The following ADGRE1 variants were observed in gnomAD, a reference collection of about 807,000 sequenced individuals.
ADGRE1 encodes the protein EGF-like module receptor 1.
Under a neutral mutation model 102.7 loss-of-function variants are expected in ADGRE1, and 82 were observed. The ratio of observed to expected loss-of-function variants is 0.80; its 90% confidence interval spans 0.67 to 0.96. The LOEUF is 0.96. Among genes scored for constraint, ADGRE1 ranks in the 40% least tolerant of loss-of-function variants. The pLI, the probability that ADGRE1 is intolerant of heterozygous loss-of-function variation, is 0.00. For synonymous variants in ADGRE1, 398 were observed against 399.6 expected (o/e 1.00, Z 0.05); for missense variants, 1,032 against 1,085.3 (o/e 0.95, Z 0.69).
At chr19:6,907,766 A>C (rs970587547) in intron 9 of ADGRE1, among the ~76,000 whole-genome samples, 2 of 152,206 alleles carry the variant, frequency 1.3e-5, no homozygotes, top group Non-Finnish European at 2.9e-5. Flanking sequence ...CAGAAATGGA[A>C]TCATGCAATG....
chr19:6,927,967 G>C (rs189911764), intron 16 of ADGRE1, among the ~76,000 whole-genome samples, 178 bp from the exon 17 acceptor site: 70 of 152,286 alleles, frequency 4.6e-4, no homozygotes, highest in African/African-American at 1.6e-3. Context: ...CAGGAAGAAG[G>C]TCTAAAAGAG....
rs775135417 is a variant in ADGRE1 at position 6,937,558 on chromosome 19, C to T, written c.2565C>T (p.Tyr855=). 2 of 1,612,770 alleles carry T rather than the reference C, an allele frequency of 1.2e-6. No individual in the cohort carries two copies. Among genetic ancestry groups the T allele is most frequent in the Admixed American group, 1.7e-5 (1 of 59,818 alleles). Residue 855 remains tyrosine, a synonymous_variant, in exon 20 of 21, where the codon TAC becomes TAT. Transcript: ENST00000312053. ...CLLNGQVREE[Y]KRWITGKTKP... ...TCCTTCTCCAGGTACGAGAAGAATACAAGAGGTGGATCACTGGGAAGACGA... is the reference window on the plus strand; with the variant it reads ...TCCTTCTCCAGGTACGAGAAGAATATAAGAGGTGGATCACTGGGAAGACGA...
At chr19:6,896,169 C>G in intron 2 of ADGRE1, 1 of 467,890 alleles carries the variant, frequency 2.1e-6, no homozygotes, top group Non-Finnish European at 3.9e-6. Context: ...GTGGCCCACC[C>G]TACTCCAGCA....
At chr19:6,917,429 G>T (rs971235859) in intron 12 of ADGRE1, among the ~76,000 whole-genome samples, 3 of 152,016 alleles carry the variant, frequency 2.0e-5, no homozygotes, top group African/African-American at 7.2e-5. Context: ...TCAGGAATGT[G>T]GGGGAGAGAG....
At chr19:6,893,566 A>G (rs1371900663) in intron 2 of ADGRE1, among the ~76,000 whole-genome samples, 2 of 152,108 alleles carry the variant, frequency 1.3e-5, no homozygotes, top group Non-Finnish European at 2.9e-5. Context: ...TTCCTCACCC[A>G]TTCATCCACT....
At chr19:6,892,684 A>G (rs1353507505) in intron 2 of ADGRE1, among the ~76,000 whole-genome samples, 1 of 152,170 alleles carries the variant, frequency 6.6e-6, no homozygotes, top group East Asian at 1.9e-4. Flanking sequence ...TCCACTATTC[A>G]CAATAGTCAA....
chr19:6,920,252 C>T (rs1165692859), intron 13 of ADGRE1, among the ~76,000 whole-genome samples: 1 of 95,656 alleles, frequency 1.0e-5, no homozygotes, highest in South Asian at 2.7e-4. Flanking sequence ...TTTAGTCTCA[C>T]TCTGTCACCC....
intron 17 of ADGRE1, chr19:6,928,508 TC>T: frequency 2.1e-6 from 1 of 485,864 alleles, no homozygotes. Flanking sequence ...GCACTTGTAA[TC>T]CCAGCTACTT....
At chr19:6,924,410 C>T (rs934321843) in intron 14 of ADGRE1, among the ~76,000 whole-genome samples, 1 of 152,086 alleles carries the variant, frequency 6.6e-6, no homozygotes, top group African/African-American at 2.4e-5. Flanking sequence ...ACCTTAGTTC[C>T]AAAGGATTCT....
chr19:6,920,752 C>T (rs1439911245), intron 13 of ADGRE1, among the ~76,000 whole-genome samples: 1 of 151,974 alleles, frequency 6.6e-6, no homozygotes, highest in African/African-American at 2.4e-5. Context: ...TTAGGTGATC[C>T]ACCCGCCTCA....
At chr19:6,910,391 A>G (rs1208879086) in intron 10 of ADGRE1, among the ~76,000 whole-genome samples, 1 of 152,030 alleles carries the variant, frequency 6.6e-6, no homozygotes, top group Non-Finnish European at 1.5e-5. Flanking sequence ...CGACTCATAA[A>G]TCCAATCGAT....
intron 10 of ADGRE1, 97 bp downstream of exon 10, chr19:6,908,869 C>A: frequency 1.7e-6 from 2 of 1,149,270 alleles, no homozygotes; most frequent in South Asian, 1.5e-5. Flanking sequence ...CGTGGTGGCT[C>A]ACACCCATAA....
chr19:6,911,857 A>G (rs1054206613), intron 10 of ADGRE1, among the ~76,000 whole-genome samples: 5 of 151,358 alleles, frequency 3.3e-5, no homozygotes, highest in African/African-American at 9.7e-5. Flanking sequence ...ACACATTTAC[A>G]CACATACACA....
At chr19:6,918,291 A>G (rs1974478745) in intron 12 of ADGRE1, among the ~76,000 whole-genome samples, 1 of 152,072 alleles carries the variant, frequency 6.6e-6, no homozygotes. Context: ...AATACAAAAA[A>G]TTAGCTGGGT....
Position 6,908,730 on chromosome 19 carries a change from G to A in ADGRE1, c.1080G>A (p.Leu360=). 6.2e-7 allele frequency: 1 copy of A among 1,608,110 alleles called. No homozygotes were observed. The part of the protein sequence containing the change: ...CAQINNIFSV[L]DKVCENKTTV... ...AAATAAATAACATCTTCAGCGTTCT[G>A]GACAAAGTGTGTGAAAATAAAACGA... Residue 360 remains leucine (L), a synonymous_variant, in exon 10 of 21, where the codon CTG becomes CTA. Transcript: ENST00000312053.
At chr19:6,939,260 G>T (rs918739347) in intron 20 of ADGRE1, among the ~76,000 whole-genome samples, 1 of 152,028 alleles carries the variant, frequency 6.6e-6, no homozygotes, top group Admixed American at 6.6e-5. Flanking sequence ...TAGTTTTAAT[G>T]AAAAAGACAG....
intron 17 of ADGRE1, among the ~76,000 whole-genome samples, chr19:6,933,072 T>C (rs1023356269): frequency 1.8e-4 from 28 of 152,036 alleles, no homozygotes; most frequent in Admixed American, 5.2e-4. Context: ...AATACAAAAT[T>C]TAGCCAGGTG....
At chr19:6,919,452 G>GTGTGTGTGTA in intron 12 of ADGRE1, 96 bp from the exon 13 acceptor site, 1 of 618,268 alleles carries the variant, frequency 1.6e-6, no homozygotes, top group Non-Finnish European at 2.8e-6. Flanking sequence ...CTGTGTGTGT[G>GTGTGTGTGTA]TGTGTGTGTG....
chr19:6,891,556 C>A (rs987993953), intron 2 of ADGRE1, among the ~76,000 whole-genome samples: 3 of 151,788 alleles, frequency 2.0e-5, no homozygotes, highest in Non-Finnish European at 4.4e-5. Context: ...CAGGTTCACG[C>A]CATTCTCCTG....
Sources: allele counts gnomAD v4.1 joint callset (sites outside exome capture counted in the v4.1 genomes callset), GRCh38; gene constraint gnomAD v4.1.1; transcripts MANE v1.5; gene names NCBI Gene and HGNC (gene_info 2026-07-23, HGNC 2026-07-21).